NCKAP5: variants seen among roughly 807,000 people sequenced by gnomAD.
NCKAP5 encodes NCK associated protein 5.
In NCKAP5, 92 loss-of-function variants were observed where a neutral mutation model predicts 167.0. The ratio of observed to expected loss-of-function variants is 0.55; its 90% confidence interval spans 0.47 to 0.66. NCKAP5 has a LOEUF of 0.66. NCKAP5 is among the 30% of genes least tolerant of loss of function. The pLI, the probability that NCKAP5 is intolerant of heterozygous loss-of-function variation, is 0.00. For missense variants in NCKAP5, 2,378 were observed against 2,315.0 expected (o/e 1.03, Z -0.56); for synonymous variants, 891 against 877.4 (o/e 1.02, Z -0.27).
At chr2:132,984,178 T>C (rs1559019498) in intron 7 of NCKAP5, among the ~76,000 whole-genome samples, 1 of 152,162 alleles carries the variant, frequency 6.6e-6, no homozygotes, top group African/African-American at 2.4e-5. Flanking sequence ...AGTTGACTGA[T>C]ACTCACAATC....
intron 5 of NCKAP5, among the ~76,000 whole-genome samples, chr2:133,139,435 T>C (rs540247831): frequency 6.6e-6 from 1 of 152,256 alleles, no homozygotes; most frequent in South Asian, 2.1e-4. Flanking sequence ...TTTGGATAAT[T>C]AGTGGGTGAA....
chr2:132,830,315 G>A (rs1003403369), intron 11 of NCKAP5, among the ~76,000 whole-genome samples: 2 of 151,980 alleles, frequency 1.3e-5, no homozygotes, highest in East Asian at 1.9e-4. Context: ...TAATGTGGAG[G>A]GGGATGGGAG....
At chr2:132,824,360 C>T (rs1340047981) in intron 11 of NCKAP5, among the ~76,000 whole-genome samples, 1 of 152,156 alleles carries the variant, frequency 6.6e-6, no homozygotes, top group Non-Finnish European at 1.5e-5. Context: ...ATTGCTTCCA[C>T]CTTCCAGATA....
chr2:133,583,642 G>T, the NCKAP5 span, among the ~76,000 whole-genome samples: 1 of 152,132 alleles, frequency 6.6e-6, no homozygotes, highest in African/African-American at 2.4e-5. Flanking sequence ...ACAAACTGTA[G>T]TTCTTCCATA....
chr2:133,188,450 G>C (rs560052981), intron 5 of NCKAP5, among the ~76,000 whole-genome samples: 1 of 152,086 alleles, frequency 6.6e-6, no homozygotes, highest in Non-Finnish European at 1.5e-5. Context: ...GACACCTACA[G>C]AACTCTCCAC....
At chr2:132,846,728 T>C (rs1395358786) in intron 11 of NCKAP5, among the ~76,000 whole-genome samples, 1 of 152,168 alleles carries the variant, frequency 6.6e-6, no homozygotes, top group Non-Finnish European at 1.5e-5. Context: ...AAATCCTTCA[T>C]TTTACCTACT....
chr2:132,702,922 T>C (rs1688015136), intron 19 of NCKAP5, among the ~76,000 whole-genome samples: 1 of 152,176 alleles, frequency 6.6e-6, no homozygotes, highest in Non-Finnish European at 1.5e-5. Context: ...CTCACACCTA[T>C]AATACCAGCA....
At chr2:132,862,145 G>C (rs1689961679) in intron 10 of NCKAP5, among the ~76,000 whole-genome samples, 1 of 152,302 alleles carries the variant, frequency 6.6e-6, no homozygotes, top group African/African-American at 2.4e-5. Flanking sequence ...TGATGCCTAG[G>C]GCCTAAATAG....
intron 3 of NCKAP5, among the ~76,000 whole-genome samples, chr2:133,351,856 C>G (rs928428458): frequency 3.3e-5 from 5 of 152,198 alleles, no homozygotes; most frequent in Non-Finnish European, 7.3e-5. Context: ...ATCACCACCT[C>G]CAACTGCCAG....
At chr2:132,925,835 T>C (rs1695840948) in intron 8 of NCKAP5, among the ~76,000 whole-genome samples, 1 of 152,196 alleles carries the variant, frequency 6.6e-6, no homozygotes, top group East Asian at 1.9e-4. Context: ...GGATACAAAG[T>C]TCTAAAATCA....
intron 4 of NCKAP5, among the ~76,000 whole-genome samples, chr2:133,238,054 A>G (rs1386342692): frequency 6.6e-6 from 1 of 152,186 alleles, no homozygotes; most frequent in East Asian, 1.9e-4. Context: ...GCTCTCATGC[A>G]AAAGAGAACA....
At chr2:133,323,619 T>G (rs1210832901) in intron 3 of NCKAP5, among the ~76,000 whole-genome samples, 1 of 152,200 alleles carries the variant, frequency 6.6e-6, no homozygotes, top group African/African-American at 2.4e-5. Context: ...TAGTGCCAAC[T>G]GCATCTCAAG....
chr2:133,188,672 G>C (rs993493394), intron 5 of NCKAP5, among the ~76,000 whole-genome samples: 1 of 151,794 alleles, frequency 6.6e-6, no homozygotes, highest in African/African-American at 2.4e-5. Context: ...AACAACCTGC[G>C]CCTGAATGAC....
At chr2:133,124,972 G>T (rs2082355821) in intron 6 of NCKAP5, among the ~76,000 whole-genome samples, 1 of 152,166 alleles carries the variant, frequency 6.6e-6, no homozygotes, top group Admixed American at 6.5e-5. Flanking sequence ...TTTGAGCCCA[G>T]GAGGTGTAGG....
chr2:132,804,038 C>T (rs1685239431), intron 11 of NCKAP5, among the ~76,000 whole-genome samples: 1 of 152,028 alleles, frequency 6.6e-6, no homozygotes, highest in Non-Finnish European at 1.5e-5. Flanking sequence ...CTGCAGAGCT[C>T]CCAAATCTCT....
At position 132,878,842 on chromosome 2, in the gene NCKAP5, C is replaced by G; in HGVS notation, c.648+6G>C. 6.2e-7 allele frequency: 1 copy of G among 1,611,498 alleles called. No homozygotes were observed. Among genetic ancestry groups the G allele is most frequent in the East Asian group, 2.2e-5 (1 of 44,870 alleles). ...CTTGGATCAGGAGCCTCTCCATCCC[C>G]CTTACCTCATCAAGACATCGCTCAT... On this transcript the variant is annotated splice_donor_region_variant and intron_variant, in intron 9 of 19. Coordinates refer to ENST00000409261, the MANE Select transcript of NCKAP5 (RefSeq NM_207363.3).
chr2:132,936,610 T>C (rs1431699077), intron 8 of NCKAP5, among the ~76,000 whole-genome samples: 1 of 152,172 alleles, frequency 6.6e-6, no homozygotes, highest in Non-Finnish European at 1.5e-5. Context: ...TGGGAGGATG[T>C]CAAGAAAAAT....
the NCKAP5 span, among the ~76,000 whole-genome samples, chr2:133,642,764 T>A: frequency 6.6e-6 from 1 of 152,244 alleles, no homozygotes; most frequent in Non-Finnish European, 1.5e-5. Context: ...CAACTGCAGA[T>A]GAACTAGATT....
At chr2:132,830,293 T>C (rs2105362338) in intron 11 of NCKAP5, among the ~76,000 whole-genome samples, 1 of 152,002 alleles carries the variant, frequency 6.6e-6, no homozygotes, top group East Asian at 1.9e-4. Flanking sequence ...GACTCTCAAT[T>C]ATTTTAGTTT....
Sources: allele counts gnomAD v4.1 joint callset (sites outside exome capture counted in the v4.1 genomes callset), GRCh38; gene constraint gnomAD v4.1.1; transcripts MANE v1.5; gene names NCBI Gene and HGNC (gene_info 2026-07-23, HGNC 2026-07-21).